The following TMEM184A variants were observed in gnomAD, a reference collection of about 807,000 sequenced individuals.
TMEM184A encodes the protein transmembrane protein 184A.
A neutral mutation model predicts 39.5 loss-of-function variants in TMEM184A; 40 were observed. The observed-to-expected ratio is 1.01, with a 90% CI of 0.79 to 1.32. TMEM184A has a LOEUF of 1.32. Ranked by LOEUF, TMEM184A falls within the 40% of genes most tolerant of loss-of-function variation. The pLI, the probability that TMEM184A is intolerant of heterozygous loss-of-function variation, is 0.00. For synonymous variants in TMEM184A, 280 were observed against 252.3 expected (o/e 1.11, Z -1.04); for missense variants, 603 against 568.8 (o/e 1.06, Z -0.61).
intron 4 of TMEM184A, 36 bp from the exon 5 acceptor site, chr7:1,550,234 G>A (rs1784535012): frequency 6.2e-7 from 1 of 1,604,448 alleles, no homozygotes; most frequent in Admixed American, 1.7e-5. Context: ...GCGGGAGAAT[G>A]CAGCCCCGGC....
At position 1,555,169 on chromosome 7, in the gene TMEM184A, G is replaced by A. The variant is rs913540970; in HGVS notation, c.219+97C>T. Reference sequence around the variant, plus strand: ...CCTGGCCGATCCCACTTCTGACAGCGTCTATAGCAGCGGCACCCAGGGGGA... The same window carrying A: ...CCTGGCCGATCCCACTTCTGACAGCATCTATAGCAGCGGCACCCAGGGGGA... On this transcript the variant is annotated intron_variant, in intron 2 of 8. Transcript: ENST00000297477. This position sits in a 1 kb window ranked among gnomAD's most constrained non-coding sequence, Gnocchi z 5.2. 1.9e-6 allele frequency: 2 copies of A among 1,046,742 alleles called. No individual in the cohort carries two copies. The highest frequency in any genetic ancestry group is 3.1e-4 in the Middle Eastern group (1 of 3,178). 64.8% of individuals were successfully genotyped at this position (1,046,742 alleles called of 1,614,324 possible).
In TMEM184A at chr7:1,555,496, GGGA is replaced by G. The variant is rs1778528196; in HGVS notation, c.1-15_1-13del. On this transcript the variant is annotated splice_polypyrimidine_tract_variant and intron_variant, in intron 1 of 8. Transcript: ENST00000297477. This position sits in a 1 kb window ranked among gnomAD's most constrained non-coding sequence, Gnocchi z 5.2. Reference sequence around the variant, plus strand: ...GAGACATTACTCATCTGCAGAGGGAGGGAGGACACACACCGGGAGGAGTGAGGG... The same window carrying G: ...GAGACATTACTCATCTGCAGAGGGAGGGACACACACCGGGAGGAGTGAGGG... 6.3e-7 allele frequency: 1 copy of G among 1,597,470 alleles called. No homozygotes were observed. The highest frequency in any genetic ancestry group is 1.3e-5 in the African/African-American group (1 of 74,896).
At position 1,547,826 on chromosome 7, in the gene TMEM184A, A is replaced by G; in HGVS notation, c.928T>C (p.Cys310Arg). The stretch of plus-strand genomic sequence containing the variant: ...ACGGAGGCGAACAGCATCTCCACGC[A>G]GATGATGAAGTTCTGGTAGCCGGCG... ...LAAGYQNFII[C>R]VEMLFASVAL... The change falls in exon 8 of 9, where the codon TGC becomes CGC. Residue 310 changes from cysteine to arginine, a missense_variant. Physicochemically the swap from Cys to Arg is radical, Grantham distance 180. Transcript: ENST00000297477. 6.2e-7 allele frequency: 1 copy of G among 1,612,532 alleles called. No homozygotes were observed. Among genetic ancestry groups the G allele is most frequent in the South Asian group, 1.1e-5 (1 of 90,994 alleles).
chr7:1,548,825 C>T (rs761940025), intron 6 of TMEM184A, 137 bp from the exon 7 acceptor site: 234 of 1,032,240 alleles, frequency 2.3e-4, no homozygotes, highest in South Asian at 7.2e-4. Context: ...GATCCTGCCC[C>T]GATCTGATCC....
chr7:1,554,707 C>T (rs1778481492), intron 2 of TMEM184A, among the ~76,000 whole-genome samples: 1 of 152,234 alleles, frequency 6.6e-6, no homozygotes, highest in Non-Finnish European at 1.5e-5. Context: ...TCTGTTCCCA[C>T]CTGGGGACTG....
At chr7:1,551,379 G>A (rs1401569235) in intron 2 of TMEM184A, among the ~76,000 whole-genome samples, 1 of 150,866 alleles carries the variant, frequency 6.6e-6, no homozygotes, top group Admixed American at 6.6e-5. Flanking sequence ...GTGAGAGCCG[G>A]GTCCGCCTGG....
rs1295920859 is a variant in TMEM184A, at chr7:1,555,065, A to C, written c.219+201T>G. Among the ~76,000 whole-genome samples, 2 of 151,964 alleles carry C rather than the reference A, an allele frequency of 1.3e-5. No individual in the cohort carries two copies. Among genetic ancestry groups the C allele is most frequent in the Non-Finnish European group, 2.9e-5 (2 of 67,944 alleles). On this transcript the variant is annotated intron_variant, in intron 2 of 8. Transcript: ENST00000297477. This position sits in a 1 kb window ranked among gnomAD's most constrained non-coding sequence, Gnocchi z 5.2. ...GGTGCCCGGTGGGCGCTCTGCCCTC[A>C]GCCTGGCAGAGATCTCCCCATTTTC...
At chr7:1,550,790 C>T in intron 3 of TMEM184A, 27 bp downstream of exon 3, 1 of 1,610,192 alleles carries the variant, frequency 6.2e-7, no homozygotes, top group East Asian at 2.2e-5. Flanking sequence ...CCTCCGCTCC[C>T]CCGACCTGAC....
Position 1,547,253 on chromosome 7 carries a change from G to C in TMEM184A, c.1013-72C>G, listed in dbSNP as rs182560540. On this transcript the variant is annotated intron_variant, in intron 8 of 8. Transcript: ENST00000297477. ...GCTCCCCGGACAAGTCCCCTCCCAG[G>C]ATGCCCAGGGCTGTAGCTCCTGCAT... 858 of 885,516 alleles carry C rather than the reference G, an allele frequency of 9.7e-4. 4 individuals are homozygous for C. The African/African-American group carries it at 0.012, about 12-fold the overall frequency. The allele number at this position is 885,516 out of a possible 1,614,324, so 54.9% of individuals were successfully genotyped here.
chr7:1,549,638 G>A (rs950952293), intron 6 of TMEM184A: 9 of 667,856 alleles, frequency 1.3e-5, no homozygotes, highest in East Asian at 3.0e-5. Flanking sequence ...TGTCTTGGGC[G>A]GGGCCCCTAG....
intron 7 of TMEM184A, 130 bp downstream of exon 7, chr7:1,548,389 A>T: frequency 8.7e-7 from 1 of 1,146,624 alleles, no homozygotes; most frequent in Non-Finnish European, 1.2e-6. Flanking sequence ...CCTGGCTTCC[A>T]GCTGACCTGT....
In TMEM184A at chr7:1,545,607, C is replaced by T. The variant is rs4725207; in HGVS notation, c.*1345G>A. 0.58 allele frequency: 88,535 copies of T among 152,604 alleles called. 25,900 individuals carry two copies. The highest frequency in any genetic ancestry group is 0.68 in the East Asian group (3,485 of 5,126). 9.5% of individuals were successfully genotyped at this position (152,604 alleles called of 1,614,324 possible). A position where few individuals can be genotyped will look rare whatever the true frequency, so the allele number is the denominator to read the frequency against. On this transcript the variant is annotated 3_prime_UTR_variant, in exon 9 of 9. Transcript: ENST00000297477. Reference sequence around the variant, plus strand: ...CCCAGCCCCCACCCAACCTGTGCTGCGGGCCCCAGACACACAGAACTGACT... The same window carrying T: ...CCCAGCCCCCACCCAACCTGTGCTGTGGGCCCCAGACACACAGAACTGACT...
Position 1,555,272 on chromosome 7 carries a change from G to T in TMEM184A, c.213C>A (p.Cys71Ter), listed in dbSNP as rs774931655. 1.9e-6 allele frequency: 3 copies of T among 1,603,146 alleles called. No homozygotes were observed. Among genetic ancestry groups the T allele is most frequent in the Non-Finnish European group, 2.6e-6 (3 of 1,174,766 alleles). Residue 71 changes from cysteine (C) to a stop codon, truncating the protein, a stop_gained, in exon 2 of 9, where the codon TGC becomes TGA. Transcript: ENST00000297477. LOFTEE classifies it high-confidence loss of function. This position sits in a 1 kb window ranked among gnomAD's most constrained non-coding sequence, Gnocchi z 5.2. ...IFVWTALVLTCHQIYLHLRSY... is the reference protein window; with the variant it reads ...IFVWTALVLT Reference sequence around the variant, plus strand: ...CGGGGGCGGAAGGGCTTACCTGGTGGCAGGTGAGCACCAGGGCAGTCCACA... The same window carrying T: ...CGGGGGCGGAAGGGCTTACCTGGTGTCAGGTGAGCACCAGGGCAGTCCACA...
intron 2 of TMEM184A, among the ~76,000 whole-genome samples, chr7:1,553,416 A>G (rs1258724779): frequency 6.6e-6 from 1 of 152,070 alleles, no homozygotes; most frequent in Non-Finnish European, 1.5e-5. Flanking sequence ...GCCTCCCACA[A>G]TGCTGGGATT....
At chr7:1,550,222 G>A (rs773862960) in intron 4 of TMEM184A, 24 bp from the exon 5 acceptor site, 3 of 1,605,450 alleles carry the variant, frequency 1.9e-6, no homozygotes, top group Non-Finnish European at 1.7e-6. Flanking sequence ...CCCTGAGCCG[G>A]TGCGGGAGAA....
chr7:1,551,734 C>G (rs984005376), intron 2 of TMEM184A, among the ~76,000 whole-genome samples: 6 of 151,948 alleles, frequency 3.9e-5, no homozygotes, highest in South Asian at 4.1e-4. Context: ...GTCAGGAGTT[C>G]AAGACCAGCC....
intron 3 of TMEM184A, 98 bp downstream of exon 3, chr7:1,550,719 G>T: frequency 6.9e-7 from 1 of 1,457,534 alleles, no homozygotes. Flanking sequence ...CGGGAGAGTG[G>T]GGTGCCCTGG....
At chr7:1,552,014 T>C (rs868739909) in intron 2 of TMEM184A, among the ~76,000 whole-genome samples, 216 of 149,986 alleles carry the variant, frequency 1.4e-3, no homozygotes, top group African/African-American at 4.9e-3. Context: ...GGTCTCGCTC[T>C]GTCGCCCAGA....
intron 2 of TMEM184A, 68 bp from the exon 3 acceptor site, chr7:1,551,050 G>T: frequency 1.3e-6 from 2 of 1,512,946 alleles, no homozygotes; most frequent in East Asian, 2.5e-5. Flanking sequence ...CAGGTGAGCC[G>T]GGAAGGAGGT....
Sources: gnomAD v4.1 joint callset for allele counts (sites outside exome capture counted in the v4.1 genomes callset) on GRCh38, gnomAD v4.1.1 for gene constraint, Gnocchi (gnomAD v3.1) non-coding constraint, MANE v1.5 for transcripts, NCBI Gene and HGNC (gene_info 2026-07-23, HGNC 2026-07-21) for gene names.